The following HDAC9 variants were observed in gnomAD, a reference collection of about 807,000 sequenced individuals.
The protein encoded by HDAC9 is MEF-2 interacting transcription repressor (MITR) protein.
HDAC9 carries 41 observed loss-of-function variants against 139.4 expected under a neutral mutation model. That is an observed-to-expected ratio of 0.29 (90% confidence interval 0.23 to 0.38). The LOEUF (loss-of-function observed/expected upper bound fraction) is 0.38. Ranked by LOEUF, HDAC9 falls within the 10% of genes least tolerant of loss-of-function variation. The pLI, the probability that HDAC9 is intolerant of heterozygous loss-of-function variation, is 1.00. For synonymous variants in HDAC9, 517 were observed against 476.2 expected (o/e 1.09, Z -1.12); for missense variants, 1,147 against 1,297.0 (o/e 0.88, Z 1.78).
At chr7:18,560,636 C>T (rs1199723660) in intron 2 of HDAC9, among the ~76,000 whole-genome samples, 1 of 152,138 alleles carries the variant, frequency 6.6e-6, no homozygotes, top group South Asian at 2.1e-4. Context: ...TTTTGTCACT[C>T]AGCACAGTGA....
intron 1 of HDAC9, among the ~76,000 whole-genome samples, chr7:18,411,256 T>A (rs1010779604): frequency 6.6e-6 from 1 of 152,218 alleles, no homozygotes; most frequent in Non-Finnish European, 1.5e-5. Context: ...GACGTAAGAT[T>A]TTTTTGACTT....
chr7:18,194,163 T>TA (rs939630220), intron 2 of HDAC9, among the ~76,000 whole-genome samples: 2 of 152,172 alleles, frequency 1.3e-5, no homozygotes, highest in African/African-American at 4.8e-5. Flanking sequence ...GTCAGTCTTT[T>TA]AAATCTTTGC....
At chr7:18,938,601 A>T (rs10046581) in intron 23 of HDAC9, among the ~76,000 whole-genome samples, 7,927 of 152,110 alleles carry the variant, frequency 0.052, 692 homozygotes, top group African/African-American at 0.18. Context: ...GTCTCAAAAA[A>T]AATAATAATA....
At chr7:18,767,417 C>T (rs755896223) in intron 16 of HDAC9, among the ~76,000 whole-genome samples, 3 of 152,204 alleles carry the variant, frequency 2.0e-5, no homozygotes, top group Non-Finnish European at 4.4e-5. Context: ...TCCCGTGTGA[C>T]TGCACAGGTC....
At chr7:18,259,216 G>A (rs554701262) in intron 2 of HDAC9, among the ~76,000 whole-genome samples, 5 of 152,114 alleles carry the variant, frequency 3.3e-5, no homozygotes, top group Admixed American at 1.3e-4. Flanking sequence ...TGATCCACCT[G>A]CCTTGGCCTC....
At chr7:18,395,161 C>T (rs1786901500) in intron 1 of HDAC9, 1 of 151,984 alleles carries the variant, frequency 6.6e-6, no homozygotes, top group East Asian at 1.9e-4. Context: ...TTATGAGAAA[C>T]TGGAGGGAGG....
At chr7:18,714,255 C>G (rs1283472365) in intron 12 of HDAC9, among the ~76,000 whole-genome samples, 1 of 152,168 alleles carries the variant, frequency 6.6e-6, no homozygotes, top group Non-Finnish European at 1.5e-5. Flanking sequence ...ATTAAGTTGC[C>G]TACTCTACGC....
At chr7:18,312,877 A>G (rs1186679157) in intron 1 of HDAC9, among the ~76,000 whole-genome samples, 2 of 152,104 alleles carry the variant, frequency 1.3e-5, no homozygotes, top group Non-Finnish European at 2.9e-5. Flanking sequence ...CTAACAGTTT[A>G]ATGGGTTTAT....
intron 1 of HDAC9, among the ~76,000 whole-genome samples, chr7:18,390,094 A>AGT (rs1786330320): frequency 6.7e-6 from 1 of 148,786 alleles, no homozygotes; most frequent in Non-Finnish European, 1.5e-5. Context: ...ACACACACAC[A>AGT]CGTCGTAGAG....
chr7:18,138,527 GGTGTGTGTGTGT>G (rs71014309), intron 1 of HDAC9, among the ~76,000 whole-genome samples: 28,732 of 142,548 alleles, frequency 0.2, 3,661 homozygotes, highest in African/African-American at 0.38. Flanking sequence ...GAGAGAGAGA[GGTGTGTGTGTGT>G]GTGTGTGTGT....
At chr7:18,097,184 T>A (rs1005863483) in intron 1 of HDAC9, among the ~76,000 whole-genome samples, 1 of 152,234 alleles carries the variant, frequency 6.6e-6, no homozygotes, top group Non-Finnish European at 1.5e-5. Context: ...AAATGTACTT[T>A]CTCAAACTTA....
At chr7:18,317,306 T>C (rs956982466) in intron 1 of HDAC9, among the ~76,000 whole-genome samples, 1 of 152,054 alleles carries the variant, frequency 6.6e-6, no homozygotes, top group African/African-American at 2.4e-5. Context: ...GTATCATATG[T>C]TTATTTCTAG....
chr7:18,651,508 C>T (rs1789251489), intron 11 of HDAC9, among the ~76,000 whole-genome samples: 2 of 151,822 alleles, frequency 1.3e-5, no homozygotes, highest in Admixed American at 1.3e-4. Flanking sequence ...TGATGGGCTT[C>T]CTGGTATAAA....
chr7:18,274,996 A>G (rs188489912), intron 2 of HDAC9, among the ~76,000 whole-genome samples: 1 of 152,284 alleles, frequency 6.6e-6, no homozygotes, highest in East Asian at 1.9e-4. Flanking sequence ...AGTAGCCCCA[A>G]ATTTGTATGT....
intron 1 of HDAC9, among the ~76,000 whole-genome samples, chr7:18,321,877 T>TA (rs969689702): frequency 1.1e-3 from 160 of 152,284 alleles, no homozygotes; most frequent in African/African-American, 3.7e-3. Flanking sequence ...AGAATTTATA[T>TA]AAAAAGTAGG....
At chr7:18,776,632 A>G (rs548922830) in intron 16 of HDAC9, among the ~76,000 whole-genome samples, 6 of 152,042 alleles carry the variant, frequency 3.9e-5, no homozygotes, top group Admixed American at 3.9e-4. Context: ...AAAGGAAGCA[A>G]GGAAGGGGTG....
intron 1 of HDAC9, among the ~76,000 whole-genome samples, chr7:18,140,321 G>A (rs908653281): frequency 1.3e-5 from 2 of 152,164 alleles, no homozygotes; most frequent in Middle Eastern, 3.4e-3. Flanking sequence ...GGCAAAAGAA[G>A]AAATTGTGGA....
intron 21 of HDAC9, among the ~76,000 whole-genome samples, chr7:18,843,386 A>C (rs1193885473): frequency 6.6e-6 from 1 of 152,154 alleles, no homozygotes; most frequent in Non-Finnish European, 1.5e-5. Context: ...TGGACTGTCA[A>C]GGAGCTTACG....
At chr7:18,572,582 GC>G (rs1563327912) in intron 2 of HDAC9, among the ~76,000 whole-genome samples, 1 of 151,866 alleles carries the variant, frequency 6.6e-6, no homozygotes, top group East Asian at 2.0e-4. Context: ...ATTAGATCTG[GC>G]CACAGAAGTA....
Sources: gnomAD v4.1 joint callset for allele counts (sites outside exome capture counted in the v4.1 genomes callset) on GRCh38, gnomAD v4.1.1 for gene constraint, MANE v1.5 for transcripts, NCBI Gene and HGNC (gene_info 2026-07-23, HGNC 2026-07-21) for gene names.